Variants in VRK2 observed in about 807,000 individuals in gnomAD.
The protein encoded by VRK2 is serine/threonine-protein kinase VRK2.
In VRK2, 60 loss-of-function variants were observed where a neutral mutation model predicts 57.6. The ratio of observed to expected loss-of-function variants is 1.04; its 90% CI spans 0.85 to 1.29. The LOEUF (loss-of-function observed/expected upper bound fraction) is 1.29. VRK2 is among the 50% of genes most tolerant of loss of function. The probability of loss-of-function intolerance (pLI) is 0.00; values close to 1 mark genes in which losing one functional copy is unlikely to be tolerated. For missense variants in VRK2, 705 were observed against 588.1 expected (o/e 1.20, Z -2.06); for synonymous variants, 231 against 199.2 (o/e 1.16, Z -1.35).
At chr2:58,046,765 G>C, upstream of VRK2, 1 of 985,502 alleles carries the variant, frequency 1.0e-6, no homozygotes, top group South Asian at 4.7e-5. Context: ...CTCGAGTGCT[G>C]GGCCCGCCTC....
chr2:58,058,686 TATC>T (rs1348219499), intron 2 of VRK2, among the ~76,000 whole-genome samples: 2 of 152,002 alleles, frequency 1.3e-5, no homozygotes, highest in East Asian at 1.9e-4. Context: ...TTTAGGAAAT[TATC>T]ATATTTATTA....
At chr2:58,156,086 C>T (rs1311152176) in intron 12 of VRK2, among the ~76,000 whole-genome samples, 1 of 152,002 alleles carries the variant, frequency 6.6e-6, no homozygotes, top group Non-Finnish European at 1.5e-5. Context: ...TTTGTCCACT[C>T]TTTAATTACC....
At chr2:58,132,002 AGAG>A (rs765952789) in intron 9 of VRK2, 74 bp downstream of exon 9, 2 of 1,553,846 alleles carry the variant, frequency 1.3e-6, no homozygotes, top group Non-Finnish European at 1.7e-6. Context: ...CTAACAACAC[AGAG>A]AAGATTGGCA....
At chr2:57,928,842 C>A (rs1670626816) in intron 1 of VRK2, among the ~76,000 whole-genome samples, 1 of 152,146 alleles carries the variant, frequency 6.6e-6, no homozygotes, top group Non-Finnish European at 1.5e-5. Context: ...GGATAAGATC[C>A]AGAAGAATTC....
At chr2:58,119,433 C>T (rs886819848) in intron 7 of VRK2, among the ~76,000 whole-genome samples, 5 of 147,122 alleles carry the variant, frequency 3.4e-5, no homozygotes, top group Non-Finnish European at 5.9e-5. Context: ...GCCGAGATCG[C>T]GCCACTGCAC....
rs186765048 is a variant in VRK2, at chr2:57,922,596, T to A, written c.-439+14757T>A. 3.4e-4 allele frequency among the ~76,000 whole-genome samples: 52 copies of A among 151,974 alleles called. 1 individual carries two copies. In the South Asian group the frequency reaches 0.01, roughly 30 times the overall value. ...TTCTTTTCACAATTAGTATACAATTTTTTTTAGATTTTAATTTTTGTGGGT... is the reference window on the plus strand; with the variant it reads ...TTCTTTTCACAATTAGTATACAATTATTTTTAGATTTTAATTTTTGTGGGT... On this transcript the variant is annotated intron_variant, in intron 1 of 15. Coordinates refer to the VRK2 transcript ENST00000417641.
At chr2:58,122,606 G>A (rs1256423449) in intron 7 of VRK2, among the ~76,000 whole-genome samples, 2 of 152,154 alleles carry the variant, frequency 1.3e-5, no homozygotes, top group African/African-American at 4.8e-5. Flanking sequence ...TCTCAGGTAT[G>A]GCAGAAGCAG....
intron 1 of VRK2, among the ~76,000 whole-genome samples, chr2:57,975,165 T>A (rs2104031014): frequency 6.6e-6 from 1 of 151,962 alleles, no homozygotes; most frequent in African/African-American, 2.4e-5. Context: ...TGTTCTATAA[T>A]CACAATGAAA....
intron 8 of VRK2, 128 bp downstream of exon 8, chr2:58,123,361 CA>C (rs1264638325): frequency 9.0e-7 from 1 of 1,115,654 alleles, no homozygotes; most frequent in East Asian, 3.1e-5. Context: ...AGGTTTTTAT[CA>C]AAAGTAATGA....
At chr2:57,983,573 A>G (rs1672499801) in intron 1 of VRK2, among the ~76,000 whole-genome samples, 1 of 152,124 alleles carries the variant, frequency 6.6e-6, no homozygotes, top group African/African-American at 2.4e-5. Flanking sequence ...AAAAACTAAT[A>G]ATGGATTCTA....
At chr2:58,077,743 G>A (rs1439269) in intron 2 of VRK2, among the ~76,000 whole-genome samples, 61,264 of 151,812 alleles carry the variant, frequency 0.4, 15,729 homozygotes, top group African/African-American at 0.74. Context: ...GAAAAATAAT[G>A]TGCGTACTGC....
intron 1 of VRK2, among the ~76,000 whole-genome samples, chr2:57,935,404 T>C (rs1230112011): frequency 6.6e-6 from 1 of 152,158 alleles, no homozygotes; most frequent in Non-Finnish European, 1.5e-5. Context: ...TCCCATTTGT[T>C]TTCTCTAGGG....
intron 7 of VRK2, among the ~76,000 whole-genome samples, chr2:58,118,789 G>A (rs911011767): frequency 1.2e-4 from 19 of 152,288 alleles, no homozygotes; most frequent in African/African-American, 4.1e-4. Flanking sequence ...GGTTGAGTCC[G>A]AAAAGAGAGT....
chr2:58,048,291 A>G (rs77592193), intron 1 of VRK2, among the ~76,000 whole-genome samples: 2 of 152,236 alleles, frequency 1.3e-5, no homozygotes, highest in African/African-American at 4.8e-5. Context: ...GCTAAGTTAC[A>G]TATCCGTGAA....
At chr2:58,010,053 T>A (rs921386338) in intron 1 of VRK2, among the ~76,000 whole-genome samples, 3 of 152,128 alleles carry the variant, frequency 2.0e-5, no homozygotes, top group African/African-American at 7.2e-5. Flanking sequence ...TAAAGACACT[T>A]AGTTGGTAAG....
At chr2:57,983,170 A>T (rs1027670537) in intron 1 of VRK2, among the ~76,000 whole-genome samples, 4 of 151,982 alleles carry the variant, frequency 2.6e-5, no homozygotes, top group Non-Finnish European at 5.9e-5. Context: ...ATGCTGATCT[A>T]CTTGAGGGCC....
chr2:58,000,067 C>T (rs888631096), intron 1 of VRK2, among the ~76,000 whole-genome samples: 7 of 152,140 alleles, frequency 4.6e-5, no homozygotes, highest in Non-Finnish European at 1.0e-4. Flanking sequence ...CCTAAGAATG[C>T]AAATTTAATG....
chr2:58,156,582 T>G (rs946104225), intron 12 of VRK2, among the ~76,000 whole-genome samples: 1 of 135,034 alleles, frequency 7.4e-6, no homozygotes, highest in African/African-American at 4.0e-5. Flanking sequence ...TGGTGGTGTT[T>G]TTTTTGTTTT....
At chr2:58,085,014 T>G in intron 4 of VRK2, 64 bp downstream of exon 4, 1 of 1,459,616 alleles carries the variant, frequency 6.9e-7, no homozygotes, top group Non-Finnish European at 9.1e-7. Context: ...GTGTTGATAT[T>G]TTGGTCTTTT....
Sources: allele counts gnomAD v4.1 joint callset (sites outside exome capture counted in the v4.1 genomes callset), GRCh38; gene constraint gnomAD v4.1.1; transcripts MANE v1.5; gene names NCBI Gene and HGNC (gene_info 2026-07-23, HGNC 2026-07-21).